CTSO: variants seen among roughly 807,000 people sequenced by gnomAD.
CTSO encodes cathepsin O.
CTSO carries 40 observed loss-of-function variants against 42.4 expected under a neutral mutation model. The observed-to-expected ratio is 0.94, with a 90% CI of 0.73 to 1.23. The LOEUF is 1.23. Ranked by LOEUF, CTSO falls within the 50% of genes most tolerant of loss-of-function variation. The pLI is 0.00. For missense variants in CTSO, 441 were observed against 396.0 expected (o/e 1.11, Z -0.96); for synonymous variants, 156 against 146.2 (o/e 1.07, Z -0.48).
intron 5 of CTSO, among the ~76,000 whole-genome samples, chr4:155,936,901 T>C (rs1743340806): frequency 1.3e-5 from 2 of 152,204 alleles, no homozygotes; most frequent in Admixed American, 1.3e-4. Flanking sequence ...ATAGAAGGTG[T>C]TCAAAATATG....
At chr4:155,942,546 A>G in intron 2 of CTSO, 90 bp from the exon 3 acceptor site, 1 of 538,238 alleles carries the variant, frequency 1.9e-6, no homozygotes, top group Non-Finnish European at 2.5e-6. Context: ...ATATATAAAG[A>G]CAATCAATAT....
chr4:155,947,858 CAT>C (rs1677984054), intron 1 of CTSO, among the ~76,000 whole-genome samples: 1 of 152,070 alleles, frequency 6.6e-6, no homozygotes, highest in African/African-American at 2.4e-5. Flanking sequence ...TCTCTAAAGT[CAT>C]ATAAAATATT....
chr4:155,929,482 A>T, intron 6 of CTSO, 60 bp downstream of exon 6: 2 of 1,525,760 alleles, frequency 1.3e-6, no homozygotes, highest in African/African-American at 1.4e-5. Flanking sequence ...CAGTATGGTG[A>T]TCATTTTGCA....
At chr4:155,942,504 AT>A in intron 2 of CTSO, 48 bp from the exon 3 acceptor site, 1 of 808,792 alleles carries the variant, frequency 1.2e-6, no homozygotes, top group Non-Finnish European at 1.6e-6. Context: ...ATATTACAAT[AT>A]ATTATATTAT....
intron 1 of CTSO, among the ~76,000 whole-genome samples, chr4:155,951,369 T>C (rs1743670942): frequency 6.6e-6 from 1 of 152,136 alleles, no homozygotes; most frequent in African/African-American, 2.4e-5. Flanking sequence ...CTAAATCCAA[T>C]AGTTAAGAGC....
At chr4:155,948,451 A>G (rs1207866404) in intron 1 of CTSO, among the ~76,000 whole-genome samples, 1 of 152,052 alleles carries the variant, frequency 6.6e-6, no homozygotes, top group Non-Finnish European at 1.5e-5. Context: ...TAAATGTAAT[A>G]TGTTTCTAAG....
intron 4 of CTSO, 71 bp from the exon 5 acceptor site, chr4:155,937,554 G>A: frequency 6.9e-7 from 1 of 1,446,512 alleles, no homozygotes; most frequent in Non-Finnish European, 9.6e-7. Context: ...TTACTTCACT[G>A]TGTCAAAACA....
chr4:155,945,408 G>A (rs1283187365), intron 1 of CTSO, among the ~76,000 whole-genome samples: 1 of 152,066 alleles, frequency 6.6e-6, no homozygotes, highest in East Asian at 1.9e-4. Flanking sequence ...CAATAAATTG[G>A]CAAACTGTAC....
intron 3 of CTSO, 143 bp downstream of exon 3, chr4:155,942,174 T>C (rs921531669): frequency 1.6e-6 from 1 of 623,004 alleles, no homozygotes; most frequent in African/African-American, 1.9e-5. Context: ...CTCCAGAGAT[T>C]CTCTTTTCAT....
At chr4:155,929,464 AT>A in intron 6 of CTSO, 77 bp downstream of exon 6, 1 of 1,418,530 alleles carries the variant, frequency 7.0e-7, no homozygotes, top group Non-Finnish European at 9.5e-7. Flanking sequence ...CCAAATTTCA[AT>A]GTTCTACAGT....
At chr4:155,945,124 G>T in intron 1 of CTSO, among the ~76,000 whole-genome samples, 1 of 151,950 alleles carries the variant, frequency 6.6e-6, no homozygotes, top group African/African-American at 2.4e-5. Context: ...GGGCGTGGTG[G>T]TGGGCGCCTA....
chr4:155,948,828 G>C (rs527953336), intron 1 of CTSO, among the ~76,000 whole-genome samples: 8 of 152,310 alleles, frequency 5.3e-5, no homozygotes, highest in Non-Finnish European at 1.0e-4. Flanking sequence ...AAATGGTCAT[G>C]TTCAAAACAA....
rs1743347872 is a variant in CTSO at position 155,937,385 on chromosome 4, T to C, written c.651A>G (p.Lys217=). 1 of 1,609,870 alleles carries C rather than the reference T, an allele frequency of 6.2e-7. No homozygotes were observed. The highest frequency in any genetic ancestry group is 8.5e-7 in the Non-Finnish European group (1 of 1,176,340). Residue 217 remains lysine, a synonymous_variant, in exon 5 of 8, where the codon AAA becomes AAG. Coordinates refer to ENST00000433477, the MANE Select transcript of CTSO (RefSeq NM_001334.3). The part of the protein sequence containing the change: ...FSGSHSGFSI[K]GYSAYDFSDQ... ...ACCTGAAGTCATATGCAGAATAACC[T>C]TTGATTGAAAATCCAGAATGTGAAC...
rs894653638 is a variant in CTSO at position 155,953,802 on chromosome 4, G to A, written c.46C>T (p.Leu16=). The part of the protein sequence containing the change: ...LPWLPWLLWL[L]CRGGGDADSR... ...TCCGCATCGCCGCCGCCCCGGCACAGCAGCCACAGCAGCCACGGCAGCCAC... is the reference window on the plus strand; with the variant it reads ...TCCGCATCGCCGCCGCCCCGGCACAACAGCCACAGCAGCCACGGCAGCCAC... The change falls in exon 1 of 8, where the codon CTG becomes TTG. Residue 16 remains leucine, a synonymous_variant. Coordinates refer to ENST00000433477, the MANE Select transcript of CTSO (RefSeq NM_001334.3). 3 of 1,345,846 alleles carry A rather than the reference G, an allele frequency of 2.2e-6. No homozygotes were observed. Among genetic ancestry groups the A allele is most frequent in the African/African-American group, 3.0e-5 (2 of 66,352 alleles). 83.4% of individuals were successfully genotyped at this position (1,345,846 alleles called of 1,614,324 possible). A position where few individuals can be genotyped will look rare whatever the true frequency, so the allele number is the denominator to read the frequency against.
chr4:155,926,250 G>C (rs1286142442), intron 7 of CTSO, among the ~76,000 whole-genome samples, 180 bp from the exon 8 acceptor site: 2 of 151,876 alleles, frequency 1.3e-5, no homozygotes, highest in Non-Finnish European at 2.9e-5. Context: ...GAAGAGATTA[G>C]GCATATTAGA....
intron 1 of CTSO, among the ~76,000 whole-genome samples, chr4:155,950,978 A>G (rs1008903468): frequency 1.4e-4 from 22 of 152,044 alleles, no homozygotes; most frequent in African/African-American, 5.3e-4. Flanking sequence ...TATTTGGAGG[A>G]CCTAATTCCA....
intron 1 of CTSO, among the ~76,000 whole-genome samples, chr4:155,952,830 T>C (rs1216040344): frequency 6.6e-6 from 1 of 152,218 alleles, no homozygotes; most frequent in African/African-American, 2.4e-5. Flanking sequence ...GACTTATGTT[T>C]GATTCAGAAT....
In CTSO at chr4:155,937,351, A is replaced by C; in HGVS notation, c.674+11T>G. On this transcript the variant is annotated intron_variant, in intron 5 of 7. Transcript: ENST00000433477. ...TGTATAAAGAAAAACATAATACAAT[A>C]AGATCTTTACCTGAAGTCATATGCA... The C allele has an allele frequency of 1.3e-6, 2 of 1,591,218 alleles. No homozygotes were observed. The highest frequency in any genetic ancestry group is 8.6e-7 in the Non-Finnish European group (1 of 1,163,390).
chr4:155,931,405 G>T (rs1443498083), intron 5 of CTSO, among the ~76,000 whole-genome samples: 1 of 152,142 alleles, frequency 6.6e-6, no homozygotes, highest in African/African-American at 2.4e-5. Context: ...AGAATGCAAA[G>T]GGTAACTGAC....
Sources: allele counts gnomAD v4.1 joint callset (sites outside exome capture counted in the v4.1 genomes callset), GRCh38; gene constraint gnomAD v4.1.1; transcripts MANE v1.5; gene names NCBI Gene and HGNC (gene_info 2026-07-23, HGNC 2026-07-21).